Variants in CHD4 observed in about 807,000 individuals in gnomAD.
The protein encoded by CHD4 is chromodomain helicase DNA binding protein 4.
In CHD4, 35 loss-of-function variants were observed where a neutral mutation model predicts 235.5. The observed-to-expected ratio is 0.15, with a 90% CI of 0.11 to 0.20. CHD4 has a LOEUF of 0.20. CHD4 is among the 10% of genes least tolerant of loss of function. The pLI, the probability that CHD4 is intolerant of heterozygous loss-of-function variation, is 1.00. For synonymous variants in CHD4, 900 were observed against 850.2 expected (o/e 1.06, Z -1.02); for missense variants, 1,329 against 2,432.3 (o/e 0.55, Z 9.54).
At chr12:6,592,852 G>A in intron 17 of CHD4, 35 bp from the exon 18 acceptor site, 3 of 1,597,018 alleles carry the variant, frequency 1.9e-6, no homozygotes, top group South Asian at 1.1e-5. Context: ...GAAATCCAAT[G>A]AAAACAGAGC....
intron 37 of CHD4, among the ~76,000 whole-genome samples, chr12:6,575,213 C>G (rs1349201578): frequency 6.6e-6 from 1 of 152,040 alleles, no homozygotes; most frequent in Non-Finnish European, 1.5e-5. Flanking sequence ...TTTGGGAGGA[C>G]AAGGCGGGCA....
intron 7 of CHD4, 111 bp from the exon 8 acceptor site, chr12:6,600,780 T>C: frequency 1.3e-6 from 2 of 1,515,400 alleles, no homozygotes; most frequent in Middle Eastern, 1.8e-4. Context: ...GCAAGCACCG[T>C]TATACAGGGA....
chr12:6,597,825 C>T, intron 12 of CHD4, 69 bp downstream of exon 12: 1 of 1,381,272 alleles, frequency 7.2e-7, no homozygotes, highest in Non-Finnish European at 1.0e-6. Context: ...TGGTGACAGC[C>T]ATTTTCCCAA....
Position 6,593,716 on chromosome 12 carries a change from C to T in CHD4, c.2314-100G>A. ...CTGCCCCCTCAAGCTGAGCCAAGGA[C>T]TGACACACCTGCGCTGCTGCTCCTG... is the stretch of plus-strand genomic sequence containing the variant. On this transcript the variant is annotated intron_variant, in intron 15 of 39. Coordinates refer to ENST00000544040, the MANE Select transcript of CHD4 (RefSeq NM_001273.5). The surrounding 1 kb of genome is among the most constrained non-coding windows in gnomAD (Gnocchi z 4.9). 1 of 1,011,900 alleles carries T rather than the reference C, an allele frequency of 9.9e-7. No individual in the cohort carries two copies. The highest frequency in any genetic ancestry group is 2.4e-5 in the East Asian group (1 of 41,070). 62.7% of individuals were successfully genotyped at this position (1,011,900 alleles called of 1,614,324 possible). A position where few individuals can be genotyped will look rare whatever the true frequency, so the allele number is the denominator to read the frequency against.
rs1001262309 is a variant in CHD4 at position 6,570,370 on chromosome 12, C to G, written c.*306G>C. On this transcript the variant is annotated 3_prime_UTR_variant, in exon 40 of 40. Coordinates refer to ENST00000544040, the MANE Select transcript of CHD4 (RefSeq NM_001273.5). The stretch of plus-strand genomic sequence containing the variant: ...AAAATTCAGATCATTTTCTTCAAGC[C>G]TGGCAGGAACCCACAACAGTTTGTG... 11 of 404,798 alleles carry G rather than the reference C, an allele frequency of 2.7e-5. No homozygotes were observed. Among genetic ancestry groups the G allele is most frequent in the Admixed American group, 4.1e-5 (1 of 24,256 alleles). The allele number at this position is 404,798 out of a possible 1,614,324, so 25.1% of individuals were successfully genotyped here.
intron 22 of CHD4, among the ~76,000 whole-genome samples, chr12:6,589,278 T>G (rs1241612679): frequency 6.6e-6 from 1 of 152,220 alleles, no homozygotes; most frequent in Non-Finnish European, 1.5e-5. Context: ...CTAATATCGG[T>G]GTGAAAGTTT....
chr12:6,580,716 A>AAAAAACAAAC, intron 33 of CHD4: 2 of 226,974 alleles, frequency 8.8e-6, no homozygotes, highest in Non-Finnish European at 1.6e-5. Flanking sequence ...AAAAAAAAAA[A>AAAAAACAAAC]AAAAAAAAAA....
chr12:6,580,445 G>A (rs141979439), intron 33 of CHD4: 3,128 of 152,738 alleles, frequency 0.02, 108 homozygotes, highest in African/African-American at 0.071. Flanking sequence ...GGTAGCTCAC[G>A]CCTGTAATCC....
At chr12:6,575,853 A>G (rs2136194170) in intron 37 of CHD4, among the ~76,000 whole-genome samples, 1 of 152,150 alleles carries the variant, frequency 6.6e-6, no homozygotes, top group East Asian at 1.9e-4. Context: ...CTACAGCTCA[A>G]CTGGGCTATC....
intron 25 of CHD4, among the ~76,000 whole-genome samples, chr12:6,586,671 G>A (rs1165050613): frequency 1.3e-5 from 2 of 151,870 alleles, no homozygotes; most frequent in Admixed American, 1.3e-4. Context: ...CTCTAGCCTG[G>A]GTGACAGAGC....
At chr12:6,604,000 G>A (rs1452357242) in intron 2 of CHD4, among the ~76,000 whole-genome samples, 3 of 152,146 alleles carry the variant, frequency 2.0e-5, no homozygotes, top group Admixed American at 6.5e-5. Flanking sequence ...TATCCCAATC[G>A]GGTGCAATGG....
rs905843003 is a variant in CHD4, at chr12:6,578,300, C to T, written c.5119+109G>A. ...AGAACCCACTATCAGTTTGGCATTCCCTCATCAAACAGAGGTAAAGAGGTA... is the reference window on the plus strand; with the variant it reads ...AGAACCCACTATCAGTTTGGCATTCTCTCATCAAACAGAGGTAAAGAGGTA... On this transcript the variant is annotated intron_variant, in intron 35 of 39. Transcript: ENST00000544040. 4.9e-6 allele frequency: 7 copies of T among 1,435,670 alleles called. No homozygotes were observed. In the African/African-American group the frequency reaches 8.5e-5, roughly 17 times the overall value. 88.9% of individuals were successfully genotyped at this position (1,435,670 alleles called of 1,614,324 possible). A position where few individuals can be genotyped will look rare whatever the true frequency, so the allele number is the denominator to read the frequency against.
Position 6,587,414 on chromosome 12 carries a change from G to A in CHD4, c.3849C>T (p.Ala1283=). The A allele has an allele frequency of 6.2e-7, 1 of 1,614,046 alleles. No individual in the cohort carries two copies. Residue 1283 remains alanine (A), a synonymous_variant, in exon 25 of 40, where the codon GCC becomes GCT. Coordinates refer to ENST00000544040, the MANE Select transcript of CHD4 (RefSeq NM_001273.5). ...MNEYLSSFKV[A]QYVVREEEMG... is the part of the protein sequence containing the mutation. ...TTTCTTCTTCCCGTACCACATACTG[G>A]GCCACTTTGAATGAGCTCAAATATT...
At chr12:6,580,884 G>C (rs751336784) in intron 33 of CHD4, 160 bp downstream of exon 33, 1 of 752,344 alleles carries the variant, frequency 1.3e-6, no homozygotes, top group Non-Finnish European at 2.2e-6. Flanking sequence ...GCGTCTGTCT[G>C]TAATCCCAGC....
Position 6,606,575 on chromosome 12 carries a change from G to A in CHD4, c.-78-124C>T, listed in dbSNP as rs572882041. 2.5e-3 allele frequency: 1,243 copies of A among 489,332 alleles called. 11 individuals carry two copies. The highest frequency in any genetic ancestry group is 9.5e-4 in the Non-Finnish European group (266 of 278,656). 30.3% of individuals were successfully genotyped at this position (489,332 alleles called of 1,614,324 possible). A position where few individuals can be genotyped will look rare whatever the true frequency, so the allele number is the denominator to read the frequency against. ...CCTAGCAGGGCACCCGAACCGCTCA[G>A]GCTGAACTTAGTTCCACACTCCTCG... On this transcript the variant is annotated intron_variant, in intron 1 of 39. Coordinates refer to ENST00000544040, the MANE Select transcript of CHD4 (RefSeq NM_001273.5).
At chr12:6,588,020 A>G in intron 23 of CHD4, 71 bp from the exon 24 acceptor site, 1 of 1,465,154 alleles carries the variant, frequency 6.8e-7, no homozygotes. Flanking sequence ...ACTTCCACAT[A>G]ATATTCTAAA....
intron 13 of CHD4, 45 bp downstream of exon 13, chr12:6,595,956 CAAAAA>C (rs376930091): frequency 3.8e-6 from 5 of 1,313,872 alleles, no homozygotes; most frequent in East Asian, 2.7e-5. Flanking sequence ...GACTCCATCT[CAAAAA>C]AAAAAAAAAA....
At chr12:6,578,651 T>G in intron 34 of CHD4, 105 bp from the exon 35 acceptor site, 1 of 1,541,492 alleles carries the variant, frequency 6.5e-7, no homozygotes. Context: ...CTACACCCCT[T>G]CTCCACCTGG....
chr12:6,599,268 CAG>C (rs1198282426), intron 10 of CHD4, among the ~76,000 whole-genome samples: 6 of 151,936 alleles, frequency 3.9e-5, no homozygotes, highest in East Asian at 1.9e-4. Context: ...CCTGTCTCAA[CAG>C]AGATTTTTTT....
Sources: allele counts gnomAD v4.1 joint callset (sites outside exome capture counted in the v4.1 genomes callset), GRCh38; gene constraint gnomAD v4.1.1; non-coding constraint Gnocchi (gnomAD v3.1); transcripts MANE v1.5; gene names NCBI Gene and HGNC (gene_info 2026-07-23, HGNC 2026-07-21).